TARS3: variants seen among roughly 807,000 people sequenced by gnomAD.
TARS3 encodes threonine--tRNA ligase 2, cytoplasmic.
A neutral mutation model predicts 103.5 loss-of-function variants in TARS3; 94 were observed. That is an observed-to-expected ratio of 0.91 (90% confidence interval 0.77 to 1.08). The LOEUF (loss-of-function observed/expected upper bound fraction) is 1.08, where lower values mean the gene tolerates loss of function less well. Among genes scored for constraint, TARS3 ranks in the 50% least tolerant of loss-of-function variants. The probability of loss-of-function intolerance (pLI) is 0.00; values close to 1 mark genes in which losing one functional copy is unlikely to be tolerated. For missense variants in TARS3, 952 were observed against 995.2 expected, an observed-to-expected ratio of 0.96 and a Z score of 0.58; for synonymous variants, 416 against 355.4, an observed-to-expected ratio of 1.17 and a Z score of -1.92.
At chr15:101,660,660 G>A (rs1897342087) in intron 16 of TARS3, among the ~76,000 whole-genome samples, 1 of 152,210 alleles carries the variant, frequency 6.6e-6, no homozygotes, top group Non-Finnish European at 1.5e-5. Flanking sequence ...TATTACCCCA[G>A]GTTATGGTAC....
At chr15:101,715,633 A>G (rs1489057242) in intron 3 of TARS3, among the ~76,000 whole-genome samples, 1 of 152,218 alleles carries the variant, frequency 6.6e-6, no homozygotes, top group Non-Finnish European at 1.5e-5. Context: ...ACATAATTGT[A>G]TAGCTTGCAT....
intron 1 of TARS3, 63 bp downstream of exon 1, chr15:101,724,028 C>G: frequency 7.6e-7 from 1 of 1,308,068 alleles, no homozygotes; most frequent in East Asian, 3.1e-5. Flanking sequence ...GAAAACCTTT[C>G]GGTGCGCACC....
chr15:101,658,311 C>CAAAAAAAAAA, intron 16 of TARS3, among the ~76,000 whole-genome samples: 1 of 70,150 alleles, frequency 1.4e-5, no homozygotes, highest in South Asian at 5.8e-4. Flanking sequence ...ACACCATCAG[C>CAAAAAAAAAA]AAAAAAAAAA....
At position 101,724,078 on chromosome 15, in the gene TARS3, A is replaced by G; in HGVS notation, c.297+13T>C. 1 of 1,355,062 alleles carries G rather than the reference A, an allele frequency of 7.4e-7. No homozygotes were observed. Among genetic ancestry groups the G allele is most frequent in the Non-Finnish European group, 9.5e-7 (1 of 1,056,306 alleles). 83.9% of individuals were successfully genotyped at this position (1,355,062 alleles called of 1,614,324 possible). ...CGCCCGCGTCCTCTCCAGTGTCCCC[A>G]CCGCCCGGTTACCTGTGCGCCGGCC... On this transcript the variant is annotated intron_variant, in intron 1 of 18. Coordinates refer to ENST00000335968, the MANE Select transcript of TARS3 (RefSeq NM_152334.3).
chr15:101,653,940 G>A lies in TARS3; in HGVS notation c.*642C>T, dbSNP rs548794593. 4.0e-4 allele frequency: 61 copies of A among 152,416 alleles called. No homozygotes were observed. Among genetic ancestry groups the A allele is most frequent in the African/African-American group, 1.4e-3 (59 of 41,572 alleles). The allele number at this position is 152,416 out of a possible 1,614,324, so 9.4% of individuals were successfully genotyped here. ...CAGCTGAAACGCTGGAAACACTGAT[G>A]CAATTCATTTGGGAATTTATTTTTT... On this transcript the variant is annotated 3_prime_UTR_variant, in exon 19 of 19. Transcript: ENST00000335968.
chr15:101,705,961 G>A (rs1394300463), intron 6 of TARS3, among the ~76,000 whole-genome samples: 1 of 152,020 alleles, frequency 6.6e-6, no homozygotes, highest in African/African-American at 2.4e-5. Flanking sequence ...CCATTAATTT[G>A]TGGTTGTTGT....
At chr15:101,681,811 G>A (rs1399632489) in intron 12 of TARS3, among the ~76,000 whole-genome samples, 2 of 152,138 alleles carry the variant, frequency 1.3e-5, no homozygotes, top group Non-Finnish European at 2.9e-5. Context: ...ATCACATTGG[G>A]GGTTAGGACT....
At chr15:101,654,877 TAAGTTTCTTGAGGG>T (rs1897140540) in intron 18 of TARS3, 147 bp from the exon 19 acceptor site, 1 of 786,636 alleles carries the variant, frequency 1.3e-6, no homozygotes, top group African/African-American at 1.8e-5. Flanking sequence ...CTCTGATAGT[TAAGTTTCTTGAGGG>T]AAGCAATGAC....
intron 5 of TARS3, 89 bp downstream of exon 5, chr15:101,711,791 C>T: frequency 1.4e-6 from 2 of 1,478,160 alleles, no homozygotes; most frequent in Non-Finnish European, 1.8e-6. Flanking sequence ...TAAGGGCCAG[C>T]AGTATACAGT....
chr15:101,724,091 C>G lies in TARS3; in HGVS notation c.297G>C (p.Gln99His). Residue 99 changes from glutamine to histidine, a missense_variant and splice_region_variant, in exon 1 of 19, where the codon CAG (glutamine) becomes CAC (histidine). Gln to His is a conservative substitution (Grantham distance 24). This residue lies in a region of TARS3 where 412 missense variants were observed against 364.2 expected (regional missense o/e 1.13). Transcript: ENST00000335968. ...TCCAGTGTCCCCACCGCCCGGTTAC[C>G]TGTGCGCCGGCCTCCTGCGCCGCCT... The part of the protein sequence containing the change: ...ELEAAQEAGA[Q>H]PPPSQSQDKD... The G allele has an allele frequency of 2.2e-6, 3 of 1,365,842 alleles. No individual in the cohort carries two copies. Among genetic ancestry groups the G allele is most frequent in the Non-Finnish European group, 2.8e-6 (3 of 1,061,430 alleles). 84.6% of individuals were successfully genotyped at this position (1,365,842 alleles called of 1,614,324 possible).
At chr15:101,703,617 C>T (rs898642561) in intron 8 of TARS3, among the ~76,000 whole-genome samples, 2 of 151,616 alleles carry the variant, frequency 1.3e-5, no homozygotes, top group Non-Finnish European at 2.9e-5. Context: ...AATAAAATAT[C>T]GTATGAAAAA....
intron 10 of TARS3, chr15:101,699,452 AT>A (rs1282554086): frequency 4.4e-6 from 2 of 455,858 alleles, no homozygotes; most frequent in East Asian, 1.4e-4. Flanking sequence ...AAAATAAGAG[AT>A]CCCCTTAATG....
Position 101,661,776 on chromosome 15 carries a change from G to A in TARS3, c.2008C>T (p.Arg670Ter), listed in dbSNP as rs752398201. ...CTTTCCACTGATCCCAAAATGGCTCGATGAATGATCACAGGTCTCTTCTTA... is the reference window on the plus strand; with the variant it reads ...CTTTCCACTGATCCCAAAATGGCTCAATGAATGATCACAGGTCTCTTCTTA... Reference protein sequence around the residue: ...DDKKRPVIIHRAILGSVERMI... With the variant: ...DDKKRPVIIH The change falls in exon 16 of 19, where the codon CGA (arginine) becomes TGA (stop). Residue 670 changes from arginine to a stop codon, truncating the protein, a stop_gained. Coordinates refer to ENST00000335968, the MANE Select transcript of TARS3 (RefSeq NM_152334.3). LOFTEE classifies it high-confidence loss of function. The A allele has an allele frequency of 2.3e-5, 37 of 1,607,056 alleles. No homozygotes were observed. The highest frequency in any genetic ancestry group is 1.0e-4 in the Admixed American group (6 of 59,182).
At chr15:101,703,814 T>C in intron 8 of TARS3, 45 bp downstream of exon 8, 1 of 1,151,282 alleles carries the variant, frequency 8.7e-7, no homozygotes, top group East Asian at 2.3e-5. Context: ...CTTTAATAGC[T>C]AGTGCACCTT....
In TARS3 at chr15:101,714,449, TG is replaced by T. The variant is rs1397218899; in HGVS notation, c.690+390del. 2.6e-5 allele frequency among the ~76,000 whole-genome samples: 4 copies of T among 151,212 alleles called. No homozygotes were observed. In the East Asian group the frequency reaches 7.8e-4, roughly 29 times the overall value. On this transcript the variant is annotated intron_variant, in intron 4 of 18. Transcript: ENST00000335968. ...CAAAACCCTGTCTCTACAAAAAATA[TG>T]AAAAATTATCTGAGTGTGGTGGTGT...
At chr15:101,723,456 T>C (rs1417628786) in intron 1 of TARS3, among the ~76,000 whole-genome samples, 2 of 152,134 alleles carry the variant, frequency 1.3e-5, no homozygotes, top group African/African-American at 2.4e-5. Flanking sequence ...CCACATCAAA[T>C]GCACTATTTC....
chr15:101,680,512 T>C (rs910753872), intron 12 of TARS3, among the ~76,000 whole-genome samples: 1 of 152,218 alleles, frequency 6.6e-6, no homozygotes, highest in African/African-American at 2.4e-5. Flanking sequence ...GTGCCCTTTT[T>C]CTCAACACCT....
intron 10 of TARS3, among the ~76,000 whole-genome samples, chr15:101,693,986 T>C (rs1200584807): frequency 1.3e-5 from 2 of 151,690 alleles, no homozygotes; most frequent in Non-Finnish European, 1.5e-5. Flanking sequence ...CTGCATGTTA[T>C]CAAAAAGGCG....
intron 3 of TARS3, among the ~76,000 whole-genome samples, chr15:101,715,651 C>T (rs1385284680): frequency 1.3e-5 from 2 of 152,210 alleles, no homozygotes; most frequent in Non-Finnish European, 2.9e-5. Context: ...CATTTTCTGT[C>T]ATGCCTCAGA....
Sources: allele counts gnomAD v4.1 joint callset (sites outside exome capture counted in the v4.1 genomes callset), GRCh38; gene constraint gnomAD v4.1.1; regional missense constraint gnomAD v4.1.1; transcripts MANE v1.5; gene names NCBI Gene and HGNC (gene_info 2026-07-23, HGNC 2026-07-21).